The following LYPD6 variants were observed in gnomAD, a reference collection of about 807,000 sequenced individuals.
LYPD6 encodes the protein LY6/PLAUR domain containing 6, also known as ly6/PLAUR domain-containing protein 6.
Under a neutral mutation model 22.7 loss-of-function variants are expected in LYPD6, and 15 were observed. The ratio of observed to expected loss-of-function variants is 0.66; its 90% CI spans 0.44 to 1.02. LYPD6 has a LOEUF of 1.02. Among genes scored for constraint, LYPD6 ranks in the 50% least tolerant of loss-of-function variants. LYPD6 has a pLI of 0.00. For missense variants in LYPD6, 189 were observed against 208.4 expected (o/e 0.91, Z 0.57); for synonymous variants, 72 against 77.5 (o/e 0.93, Z 0.37).
intron 1 of LYPD6, among the ~76,000 whole-genome samples, chr2:149,405,185 C>T (rs1354171926): frequency 1.3e-5 from 2 of 151,946 alleles, no homozygotes; most frequent in Non-Finnish European, 2.9e-5. Context: ...GGCTATTGGT[C>T]TAAAATTCTC....
At chr2:149,484,955 A>G in the LYPD6 span, among the ~76,000 whole-genome samples, 2 of 152,206 alleles carry the variant, frequency 1.3e-5, no homozygotes, top group African/African-American at 4.8e-5. Flanking sequence ...AAACTTAGCA[A>G]TCTCACAACA....
chr2:149,374,747 C>A (rs193039033), intron 1 of LYPD6, among the ~76,000 whole-genome samples: 3 of 152,272 alleles, frequency 2.0e-5, no homozygotes, highest in African/African-American at 7.2e-5. Flanking sequence ...AGGAAGGTAG[C>A]ACATGTTAGG....
chr2:149,338,134 A>C (rs535443506), intron 1 of LYPD6, among the ~76,000 whole-genome samples: 1 of 152,302 alleles, frequency 6.6e-6, no homozygotes, highest in African/African-American at 2.4e-5. Flanking sequence ...ATGTGTTTTT[A>C]TGTAGAACAA....
intron 1 of LYPD6, among the ~76,000 whole-genome samples, chr2:149,424,324 G>A (rs116174297): frequency 2.8e-4 from 42 of 152,266 alleles, no homozygotes; most frequent in African/African-American, 9.9e-4. Context: ...CATCTTAACA[G>A]TTCTACTACA....
At chr2:149,420,812 C>G (rs888840914) in intron 1 of LYPD6, among the ~76,000 whole-genome samples, 9 of 152,082 alleles carry the variant, frequency 5.9e-5, no homozygotes, top group African/African-American at 1.4e-4. Context: ...TTAACTGAGC[C>G]GTGTGGAGAA....
At chr2:149,425,606 A>C (rs2192966) in intron 1 of LYPD6, among the ~76,000 whole-genome samples, 1 of 152,052 alleles carries the variant, frequency 6.6e-6, no homozygotes, top group Non-Finnish European at 1.5e-5. Flanking sequence ...ATCCTTTTCT[A>C]CCTGAGTGAA....
intron 3 of LYPD6, among the ~76,000 whole-genome samples, chr2:149,466,063 A>G (rs999709263): frequency 2.0e-5 from 3 of 152,190 alleles, no homozygotes; most frequent in Non-Finnish European, 4.4e-5. Context: ...CAAAATGCAT[A>G]GAGAACAATG....
chr2:149,426,235 C>T (rs1203214340), intron 1 of LYPD6, among the ~76,000 whole-genome samples: 1 of 152,180 alleles, frequency 6.6e-6, no homozygotes, highest in African/African-American at 2.4e-5. Context: ...GTAATTACAG[C>T]TCTTTCTTGA....
chr2:149,400,140 C>T (rs1444928549), intron 1 of LYPD6, among the ~76,000 whole-genome samples: 1 of 152,204 alleles, frequency 6.6e-6, no homozygotes, highest in African/African-American at 2.4e-5. Flanking sequence ...TGCTTTTCCA[C>T]CTGTGAGAAC....
chr2:149,391,163 T>G (rs1682299361), intron 1 of LYPD6, among the ~76,000 whole-genome samples: 1 of 152,222 alleles, frequency 6.6e-6, no homozygotes, highest in African/African-American at 2.4e-5. Context: ...CCATATTTGC[T>G]TGTCAACTGA....
chr2:149,355,921 G>A (rs988550551), intron 1 of LYPD6, among the ~76,000 whole-genome samples: 1 of 151,878 alleles, frequency 6.6e-6, no homozygotes, highest in African/African-American at 2.4e-5. Flanking sequence ...TTGCACTCTG[G>A]GTCTGTGTGC....
intron 1 of LYPD6, among the ~76,000 whole-genome samples, chr2:149,353,067 C>T (rs1332500313): frequency 6.6e-6 from 1 of 152,168 alleles, no homozygotes; most frequent in Non-Finnish European, 1.5e-5. Context: ...CATTGTGACT[C>T]CAGCATATTG....
intron 2 of LYPD6, 104 bp downstream of exon 2, chr2:149,437,930 C>T (rs1255952777): frequency 3.9e-5 from 47 of 1,207,010 alleles, no homozygotes; most frequent in South Asian, 3.7e-4. Flanking sequence ...GAAAACCTCC[C>T]GTGATTTAAC....
At chr2:149,406,923 G>T (rs1429145978) in intron 1 of LYPD6, among the ~76,000 whole-genome samples, 1 of 152,056 alleles carries the variant, frequency 6.6e-6, no homozygotes, top group East Asian at 1.9e-4. Flanking sequence ...TTTAGGGCAG[G>T]CCTGGTGGTG....
At chr2:149,345,962 C>A (rs1249550374) in intron 1 of LYPD6, among the ~76,000 whole-genome samples, 3 of 152,098 alleles carry the variant, frequency 2.0e-5, no homozygotes, top group African/African-American at 7.2e-5. Flanking sequence ...TAGAGGCCAC[C>A]TTTACTATTC....
intron 1 of LYPD6, among the ~76,000 whole-genome samples, chr2:149,426,478 T>C (rs949610942): frequency 6.6e-6 from 1 of 152,144 alleles, no homozygotes; most frequent in Non-Finnish European, 1.5e-5. Context: ...TCTTGACAGC[T>C]AGCTACAAGG....
At chr2:149,393,000 T>A (rs1682346238) in intron 1 of LYPD6, among the ~76,000 whole-genome samples, 1 of 152,130 alleles carries the variant, frequency 6.6e-6, no homozygotes, top group Admixed American at 6.5e-5. Flanking sequence ...TGCTCCAGCC[T>A]GGGCGACAGA....
chr2:149,440,907 G>A (rs945164225), intron 2 of LYPD6, among the ~76,000 whole-genome samples: 8 of 151,016 alleles, frequency 5.3e-5, no homozygotes, highest in Non-Finnish European at 8.8e-5. Flanking sequence ...GGGTTTCACC[G>A]TGTTAGCCAG....
At chr2:149,420,099 A>G (rs1048179548) in intron 1 of LYPD6, among the ~76,000 whole-genome samples, 1 of 152,220 alleles carries the variant, frequency 6.6e-6, no homozygotes, top group Non-Finnish European at 1.5e-5. Flanking sequence ...AAGAGAGGCC[A>G]GAAAGTATGC....
Sources: gnomAD v4.1 joint callset for allele counts (sites outside exome capture counted in the v4.1 genomes callset) on GRCh38, gnomAD v4.1.1 for gene constraint, MANE v1.5 for transcripts, NCBI Gene and HGNC (gene_info 2026-07-23, HGNC 2026-07-21) for gene names.